The following AGBL3 variants were observed in gnomAD, a reference collection of about 807,000 sequenced individuals.
AGBL3 encodes AGBL carboxypeptidase 3.
AGBL3 carries 68 observed loss-of-function variants against 94.5 expected under a neutral mutation model. The observed-to-expected ratio is 0.72, with a 90% confidence interval of 0.59 to 0.88. The LOEUF (loss-of-function observed/expected upper bound fraction) is 0.88. AGBL3 is among the 40% of genes least tolerant of loss of function. The pLI is 0.00. For synonymous variants in AGBL3, 354 were observed against 370.7 expected (o/e 0.95, Z 0.52); for missense variants, 934 against 1,103.8 (o/e 0.85, Z 2.18).
chr7:135,123,024 C>A (rs1185657365), intron 16 of AGBL3, among the ~76,000 whole-genome samples: 1 of 151,982 alleles, frequency 6.6e-6, no homozygotes, highest in Non-Finnish European at 1.5e-5. Flanking sequence ...AGCAATGGCA[C>A]AGAATTGGTT....
chr7:135,050,527 C>G (rs2116613090), intron 11 of AGBL3, among the ~76,000 whole-genome samples: 1 of 143,022 alleles, frequency 7.0e-6, no homozygotes, highest in Admixed American at 7.2e-5. Flanking sequence ...TCGGTTCTAT[C>G]AATGTTTGCT....
chr7:135,006,741 T>A (rs1812437251), intron 4 of AGBL3, among the ~76,000 whole-genome samples: 1 of 151,920 alleles, frequency 6.6e-6, no homozygotes, highest in African/African-American at 2.4e-5. Context: ...TATGTGAAAT[T>A]TTGTGGCATG....
At chr7:135,033,550 C>A (rs963736060) in intron 6 of AGBL3, among the ~76,000 whole-genome samples, 1 of 152,112 alleles carries the variant, frequency 6.6e-6, no homozygotes, top group African/African-American at 2.4e-5. Flanking sequence ...CACAACTAAC[C>A]AGATAATATT....
Position 135,060,770 on chromosome 7 carries a change from T to G in AGBL3, c.1908+1535T>G, listed in dbSNP as rs571327272. On this transcript the variant is annotated intron_variant, in intron 12 of 16. Transcript: ENST00000436302. ...CTGAATAGTATTTCATCGTGCTACATACCACATTTTCTTTATCCATTTATC... is the reference window on the plus strand; with the variant it reads ...CTGAATAGTATTTCATCGTGCTACAGACCACATTTTCTTTATCCATTTATC... Among the ~76,000 whole-genome samples the G allele has an allele frequency of 2.1e-4, 32 of 152,286 alleles. 3 individuals carry two copies. The South Asian group carries it at 6.2e-3, about 30-fold the overall frequency.
intron 16 of AGBL3, among the ~76,000 whole-genome samples, chr7:135,132,217 T>C (rs934698469): frequency 2.7e-4 from 41 of 152,062 alleles, no homozygotes; most frequent in African/African-American, 9.7e-4. Context: ...AAAAAGGAAA[T>C]GACAGAATAA....
At chr7:135,080,024 G>A (rs1196126202) in intron 13 of AGBL3, among the ~76,000 whole-genome samples, 179 bp from the exon 14 acceptor site, 1 of 152,024 alleles carries the variant, frequency 6.6e-6, no homozygotes, top group Non-Finnish European at 1.5e-5. Flanking sequence ...GAGAAAAGTA[G>A]CGTAGGGAAA....
intron 12 of AGBL3, among the ~76,000 whole-genome samples, chr7:135,060,586 C>T (rs969853865): frequency 2.0e-5 from 3 of 152,038 alleles, no homozygotes; most frequent in Admixed American, 2.0e-4. Context: ...TGGTAACTAC[C>T]ATTCTACTCT....
intron 16 of AGBL3, among the ~76,000 whole-genome samples, chr7:135,122,800 G>T (rs772961906): frequency 6.6e-6 from 1 of 152,124 alleles, no homozygotes; most frequent in Non-Finnish European, 1.5e-5. Flanking sequence ...CTATAGAAAA[G>T]GGACCTGACC....
intron 4 of AGBL3, among the ~76,000 whole-genome samples, chr7:135,002,736 C>T (rs1449471466): frequency 6.6e-6 from 1 of 152,090 alleles, no homozygotes; most frequent in Non-Finnish European, 1.5e-5. Context: ...ACCTATTTTC[C>T]CATACTCTCA....
At chr7:135,068,057 G>C (rs927915668) in intron 12 of AGBL3, among the ~76,000 whole-genome samples, 2 of 152,208 alleles carry the variant, frequency 1.3e-5, no homozygotes, top group African/African-American at 4.8e-5. Flanking sequence ...TGATGGAGCT[G>C]AAAACCATGG....
At chr7:135,129,665 T>C in intron 16 of AGBL3, 2 of 778,936 alleles carry the variant, frequency 2.6e-6, no homozygotes, top group Non-Finnish European at 4.7e-6. Flanking sequence ...TTGATGAAGA[T>C]ATTTGGGAAG....
intron 8 of AGBL3, among the ~76,000 whole-genome samples, chr7:135,041,391 T>C (rs899472579): frequency 6.6e-6 from 1 of 152,180 alleles, no homozygotes; most frequent in African/African-American, 2.4e-5. Flanking sequence ...AAAGATAGTA[T>C]GTTAATAGGA....
chr7:135,032,369 A>G (rs1815840620), intron 5 of AGBL3, among the ~76,000 whole-genome samples: 1 of 151,624 alleles, frequency 6.6e-6, no homozygotes, highest in Non-Finnish European at 1.5e-5. Flanking sequence ...TAGTGACGCG[A>G]TCTCCGCTCA....
chr7:135,113,557 A>C (rs551767416), intron 15 of AGBL3, among the ~76,000 whole-genome samples: 14 of 152,330 alleles, frequency 9.2e-5, no homozygotes, highest in Middle Eastern at 3.4e-3. Flanking sequence ...CAATTTAAGC[A>C]TGACAATTAT....
rs1353725511 is a variant in AGBL3 at position 135,045,466 on chromosome 7, T to C, written c.1628-8T>C. The C allele has an allele frequency of 6.5e-7, 1 of 1,548,844 alleles. No homozygotes were observed. The highest frequency in any genetic ancestry group is 8.7e-7 in the Non-Finnish European group (1 of 1,144,504). On this transcript the variant is annotated splice_polypyrimidine_tract_variant and splice_region_variant and intron_variant, in intron 9 of 16. Coordinates refer to ENST00000436302, the MANE Select transcript of AGBL3 (RefSeq NM_178563.4). ...CCTCAAGGGTGGATAAACTTATTGATGTTTTAGGTAACAAACGAGGCACTC... is the reference window on the plus strand; with the variant it reads ...CCTCAAGGGTGGATAAACTTATTGACGTTTTAGGTAACAAACGAGGCACTC...
intron 16 of AGBL3, among the ~76,000 whole-genome samples, chr7:135,117,198 T>C (rs146413498): frequency 6.6e-6 from 1 of 151,918 alleles, no homozygotes; most frequent in Non-Finnish European, 1.5e-5. Context: ...ATTTTCATCA[T>C]TACCAAATGG....
chr7:135,071,564 A>G (rs958166794), intron 12 of AGBL3, among the ~76,000 whole-genome samples: 2 of 152,200 alleles, frequency 1.3e-5, no homozygotes, highest in African/African-American at 4.8e-5. Flanking sequence ...CAAAACAGAG[A>G]TATAGACCAA....
chr7:135,106,094 G>A (rs1824672490), intron 15 of AGBL3, among the ~76,000 whole-genome samples: 1 of 152,104 alleles, frequency 6.6e-6, no homozygotes, highest in African/African-American at 2.4e-5. Flanking sequence ...TTTGTATCCT[G>A]AAACTTCCTG....
chr7:135,077,952 G>A (rs1319825715), intron 13 of AGBL3, among the ~76,000 whole-genome samples: 1 of 152,134 alleles, frequency 6.6e-6, no homozygotes, highest in Admixed American at 6.6e-5. Context: ...CCTGATGCCT[G>A]ACATTCCTGG....
Sources: gnomAD v4.1 joint callset for allele counts (sites outside exome capture counted in the v4.1 genomes callset) on GRCh38, gnomAD v4.1.1 for gene constraint, MANE v1.5 for transcripts, NCBI Gene and HGNC (gene_info 2026-07-23, HGNC 2026-07-21) for gene names.